SLC35F4: variants seen among roughly 807,000 people sequenced by gnomAD.
The protein encoded by SLC35F4 is solute carrier family 35 member F4.
SLC35F4 carries 24 observed loss-of-function variants against 44.2 expected under a neutral mutation model. That is an observed-to-expected ratio of 0.54 (90% CI 0.39 to 0.76). The LOEUF is 0.76. SLC35F4 is among the 30% of genes least tolerant of loss of function. SLC35F4 has a pLI of 0.00. For synonymous variants in SLC35F4, 238 were observed against 223.6 expected (o/e 1.06, Z -0.57); for missense variants, 562 against 586.1 (o/e 0.96, Z 0.42).
intron 1 of SLC35F4, among the ~76,000 whole-genome samples, chr14:57,785,547 A>G (rs1169220482): frequency 6.6e-6 from 1 of 152,192 alleles, no homozygotes; most frequent in Non-Finnish European, 1.5e-5. Context: ...CCTCTGAAGG[A>G]AGCAGACTGC....
intron 1 of SLC35F4, among the ~76,000 whole-genome samples, chr14:57,707,448 C>T (rs1224196436): frequency 1.3e-5 from 2 of 152,114 alleles, no homozygotes; most frequent in African/African-American, 2.4e-5. Flanking sequence ...TGCACTTCTC[C>T]CTGCTGCTAC....
intron 1 of SLC35F4, among the ~76,000 whole-genome samples, chr14:57,722,284 A>G (rs953468315): frequency 2.0e-5 from 3 of 152,170 alleles, no homozygotes; most frequent in Non-Finnish European, 4.4e-5. Flanking sequence ...GGATTAAGAG[A>G]TGGCCCACTG....
intron 1 of SLC35F4, among the ~76,000 whole-genome samples, chr14:57,805,614 C>A (rs1293081460): frequency 6.6e-6 from 1 of 151,962 alleles, no homozygotes; most frequent in Non-Finnish European, 1.5e-5. Context: ...CACACTAGGG[C>A]CTGTTGGAGT....
chr14:57,980,448 C>A (rs111508725), intron 1 of SLC35F4, among the ~76,000 whole-genome samples: 35 of 152,220 alleles, frequency 2.3e-4, no homozygotes, highest in African/African-American at 8.4e-4. Context: ...CACCTCTGGG[C>A]TGTTAGTGTG....
chr14:57,865,472 C>T (rs57329609), intron 1 of SLC35F4, among the ~76,000 whole-genome samples: 2 of 152,170 alleles, frequency 1.3e-5, no homozygotes, highest in African/African-American at 4.8e-5. Flanking sequence ...GCACCTCCCC[C>T]CAAGGCTACG....
chr14:57,600,542 A>C lies in SLC35F4; in HGVS notation c.104-6418T>G, dbSNP rs547040150. On this transcript the variant is annotated intron_variant, in intron 1 of 7. Transcript: ENST00000556826. ...CCCGTCTCTACTAAAAATACAAAAA[A>C]TTAGCCGGGCGTAGTGGCGGGCGCC... 1.7e-4 allele frequency among the ~76,000 whole-genome samples: 25 copies of C among 148,852 alleles called. No individual in the cohort carries two copies. The South Asian group carries it at 5.2e-3, about 31-fold the overall frequency.
At chr14:57,796,134 T>G (rs766025698) in intron 1 of SLC35F4, among the ~76,000 whole-genome samples, 1 of 152,188 alleles carries the variant, frequency 6.6e-6, no homozygotes, top group African/African-American at 2.4e-5. Context: ...ATTTCATTCT[T>G]CTATATGGCT....
intron 1 of SLC35F4, among the ~76,000 whole-genome samples, chr14:57,968,165 A>C (rs1394474961): frequency 6.6e-6 from 1 of 152,262 alleles, no homozygotes; most frequent in Non-Finnish European, 1.5e-5. Flanking sequence ...GGTTCTAATT[A>C]ACTCAACAAG....
At chr14:57,700,218 T>C (rs1285723343) in intron 1 of SLC35F4, among the ~76,000 whole-genome samples, 3 of 152,228 alleles carry the variant, frequency 2.0e-5, no homozygotes, top group Non-Finnish European at 1.5e-5. Context: ...TACAAACCCC[T>C]ACAGCATGTT....
intron 1 of SLC35F4, among the ~76,000 whole-genome samples, chr14:57,606,507 T>G (rs896837767): frequency 6.6e-6 from 1 of 152,244 alleles, no homozygotes; most frequent in Non-Finnish European, 1.5e-5. Flanking sequence ...TTGCTTTTAT[T>G]AAGCTTTCAC....
intron 1 of SLC35F4, among the ~76,000 whole-genome samples, chr14:57,928,779 C>G (rs769959472): frequency 6.6e-6 from 1 of 152,140 alleles, no homozygotes; most frequent in Non-Finnish European, 1.5e-5. Context: ...AATTTTGAAG[C>G]AGCTATGATG....
At chr14:57,646,723 A>C (rs894000703) in intron 1 of SLC35F4, among the ~76,000 whole-genome samples, 1 of 152,008 alleles carries the variant, frequency 6.6e-6, no homozygotes, top group Non-Finnish European at 1.5e-5. Flanking sequence ...TAGGGTGTCA[A>C]ATTTAGATCT....
chr14:57,625,126 T>C (rs2072409439), intron 1 of SLC35F4, among the ~76,000 whole-genome samples: 1 of 152,130 alleles, frequency 6.6e-6, no homozygotes, highest in Non-Finnish European at 1.5e-5. Context: ...ACAAAATCAA[T>C]GTGCAAAAAT....
At chr14:57,777,647 G>C (rs111985862) in intron 1 of SLC35F4, among the ~76,000 whole-genome samples, 10,737 of 152,032 alleles carry the variant, frequency 0.071, 665 homozygotes, top group East Asian at 0.18. Context: ...AGGGGCTGGG[G>C]GAGGGATAGC....
At chr14:57,709,579 C>G (rs1386031871) in intron 1 of SLC35F4, among the ~76,000 whole-genome samples, 3 of 152,084 alleles carry the variant, frequency 2.0e-5, no homozygotes, top group Admixed American at 6.5e-5. Flanking sequence ...CCCTCGGTCT[C>G]TTGCCTCGGC....
chr14:57,971,893 T>A (rs1881063064), downstream of SLC35F4, among the ~76,000 whole-genome samples: 1 of 152,126 alleles, frequency 6.6e-6, no homozygotes, highest in Admixed American at 6.5e-5. Context: ...GGAAATGAAA[T>A]TATGATTAAG....
intron 1 of SLC35F4, among the ~76,000 whole-genome samples, chr14:57,848,432 A>G (rs942115413): frequency 1.3e-5 from 2 of 152,208 alleles, no homozygotes; most frequent in African/African-American, 4.8e-5. Flanking sequence ...TTTCTTTCCT[A>G]CTTGACTGTC....
At chr14:57,857,785 G>T (rs1887257457) in intron 1 of SLC35F4, among the ~76,000 whole-genome samples, 3 of 152,020 alleles carry the variant, frequency 2.0e-5, no homozygotes, top group African/African-American at 7.3e-5. Context: ...ACAGAGGACA[G>T]CACATTTAAA....
At chr14:57,937,583 A>G (rs1889824430) in intron 1 of SLC35F4, among the ~76,000 whole-genome samples, 4 of 116,784 alleles carry the variant, frequency 3.4e-5, no homozygotes, top group Non-Finnish European at 5.6e-5. Flanking sequence ...AGAGAAAAGA[A>G]AAGAAAGAAA....
Sources: gnomAD v4.1 joint callset for allele counts (sites outside exome capture counted in the v4.1 genomes callset) on GRCh38, gnomAD v4.1.1 for gene constraint, MANE v1.5 for transcripts, NCBI Gene and HGNC (gene_info 2026-07-23, HGNC 2026-07-21) for gene names.